EPM2A: variants seen among roughly 807,000 people sequenced by gnomAD.
EPM2A encodes the protein EPM2A glucan phosphatase, laforin.
In EPM2A, 21 loss-of-function variants were observed where a neutral mutation model predicts 26.5. That is an observed-to-expected ratio of 0.79 (90% CI 0.56 to 1.14). The LOEUF is 1.14. EPM2A is among the 50% of genes most tolerant of loss of function. EPM2A has a pLI of 0.00. For missense variants in EPM2A, 458 were observed against 440.8 expected, an observed-to-expected ratio of 1.04 and a Z score of -0.35; for synonymous variants, 217 against 177.6, an observed-to-expected ratio of 1.22 and a Z score of -1.76.
In EPM2A at chr6:145,569,135, T is replaced by C. The variant is rs531823885; in HGVS notation, c.340+66110A>G. ...AGCAAAATAGCACTATGGCATGGAC[T>C]CTGTCCTGATTCCTGCAAATTGTGA... On this transcript the variant is annotated intron_variant, in intron 2 of 3. Transcript: ENST00000450221. Among the ~76,000 whole-genome samples, 10 of 152,370 alleles carry C rather than the reference T, an allele frequency of 6.6e-5. No homozygotes were observed. In the South Asian group the frequency reaches 1.9e-3, roughly 28 times the overall value.
intron 2 of EPM2A, among the ~76,000 whole-genome samples, chr6:145,685,266 C>T (rs1474576446): frequency 6.6e-6 from 1 of 151,788 alleles, no homozygotes; most frequent in Non-Finnish European, 1.5e-5. Context: ...GAAAAAAATA[C>T]AGGAACAAAA....
chr6:145,436,628 T>C lies in EPM2A; in HGVS notation c.556-52531A>G, dbSNP rs140780252. Among the ~76,000 whole-genome samples the C allele has an allele frequency of 1.0e-2, 1,517 of 152,282 alleles. 25 individuals carry two copies. The highest frequency in any genetic ancestry group is 0.035 in the African/African-American group (1,451 of 41,566). On this transcript the variant is annotated intron_variant, in intron 4 of 4. Coordinates refer to the EPM2A transcript ENST00000638717. ...GCTTTTTTTTGTGTTTATTGGCTGT[T>C]GGTATATTTTCTATGGAGAACTGTC... is the stretch of plus-strand genomic sequence containing the variant.
chr6:145,524,492 C>G (rs1780244861), intron 2 of EPM2A, among the ~76,000 whole-genome samples: 1 of 152,058 alleles, frequency 6.6e-6, no homozygotes, highest in African/African-American at 2.4e-5. Context: ...GATGGCATCT[C>G]ATTATAGTTT....
At chr6:145,683,085 T>C (rs746443660) in intron 2 of EPM2A, among the ~76,000 whole-genome samples, 2 of 152,166 alleles carry the variant, frequency 1.3e-5, no homozygotes, top group Admixed American at 6.6e-5. Context: ...TCTTTTAAAC[T>C]GAATTCAGAT....
intron 2 of EPM2A, chr6:145,641,299 C>G (rs972274534): frequency 2.6e-5 from 4 of 152,160 alleles, no homozygotes; most frequent in African/African-American, 9.7e-5. Context: ...AGAGTAAGCA[C>G]TGACCCAAAA....
intron 4 of EPM2A, among the ~76,000 whole-genome samples, chr6:145,442,593 C>T (rs1226300448): frequency 6.6e-6 from 1 of 152,146 alleles, no homozygotes; most frequent in Non-Finnish European, 1.5e-5. Flanking sequence ...CCCATTGGGT[C>T]CTTCCACAGC....
chr6:145,565,253 C>A (rs1780868580), intron 2 of EPM2A, among the ~76,000 whole-genome samples: 1 of 151,892 alleles, frequency 6.6e-6, no homozygotes, highest in African/African-American at 2.4e-5. Context: ...TTTGACTCTG[C>A]CCAGAAAATG....
intron 1 of EPM2A, among the ~76,000 whole-genome samples, chr6:145,719,365 C>T (rs973121932): frequency 6.7e-5 from 10 of 149,988 alleles, no homozygotes; most frequent in Non-Finnish European, 1.2e-4. Flanking sequence ...AGTAAACTAT[C>T]GCAAGAACAA....
chr6:145,721,685 CAATT>C (rs1332614343), intron 1 of EPM2A: 2 of 152,154 alleles, frequency 1.3e-5, no homozygotes, highest in African/African-American at 4.8e-5. Flanking sequence ...CATTCATTCA[CAATT>C]CATTCTCATA....
intron 4 of EPM2A, among the ~76,000 whole-genome samples, chr6:145,470,456 T>A (rs1199028399): frequency 6.6e-6 from 1 of 152,164 alleles, no homozygotes; most frequent in African/African-American, 2.4e-5. Flanking sequence ...TTGTTGCAAA[T>A]CATTATAGTT....
chr6:145,632,782 T>C (rs1303827876), intron 3 of EPM2A, among the ~76,000 whole-genome samples: 2 of 152,204 alleles, frequency 1.3e-5, no homozygotes, highest in African/African-American at 4.8e-5. Flanking sequence ...ATTGGGCTAA[T>C]ACTGTGAGCC....
At chr6:145,580,817 T>C (rs1466662363) in intron 2 of EPM2A, among the ~76,000 whole-genome samples, 1 of 152,110 alleles carries the variant, frequency 6.6e-6, no homozygotes, top group African/African-American at 2.4e-5. Context: ...ATGGCCTCCA[T>C]CTCTAGTTAT....
At chr6:145,560,216 T>A (rs1242446363) in intron 2 of EPM2A, among the ~76,000 whole-genome samples, 1 of 152,154 alleles carries the variant, frequency 6.6e-6, no homozygotes, top group Non-Finnish European at 1.5e-5. Context: ...AAATCATTTC[T>A]GCTTAGGCTA....
At chr6:145,496,158 A>G (rs1401343642) in intron 4 of EPM2A, among the ~76,000 whole-genome samples, 2 of 152,128 alleles carry the variant, frequency 1.3e-5, no homozygotes, top group Non-Finnish European at 2.9e-5. Context: ...TAGGGTTTCC[A>G]CTGAGAGGTC....
chr6:145,544,078 A>G (rs559909480), intron 2 of EPM2A, among the ~76,000 whole-genome samples: 1 of 152,342 alleles, frequency 6.6e-6, no homozygotes, highest in Admixed American at 6.5e-5. Context: ...AAGAAAATGG[A>G]CAAATTATTA....
intron 4 of EPM2A, among the ~76,000 whole-genome samples, chr6:145,488,929 A>G (rs1323445939): frequency 6.6e-6 from 1 of 152,214 alleles, no homozygotes; most frequent in African/African-American, 2.4e-5. Context: ...GGTTGTTATT[A>G]TAGGCAAAAA....
intron 2 of EPM2A, among the ~76,000 whole-genome samples, chr6:145,508,286 G>A (rs1315175905): frequency 6.6e-6 from 1 of 152,192 alleles, no homozygotes; most frequent in African/African-American, 2.4e-5. Flanking sequence ...AGCTGAGGGA[G>A]GGTGCTTTTC....
intron 2 of EPM2A, among the ~76,000 whole-genome samples, chr6:145,672,587 A>G (rs1392637196): frequency 1.3e-5 from 2 of 152,266 alleles, no homozygotes; most frequent in Non-Finnish European, 2.9e-5. Context: ...TGCCAGATTC[A>G]CTTTTACACT....
At chr6:145,735,685 C>A, upstream of EPM2A, 1 of 1,065,124 alleles carries the variant, frequency 9.4e-7, no homozygotes, top group Admixed American at 5.3e-5. Context: ...TTCGTCCAGG[C>A]CGGCGGGAAG....
Sources: allele counts gnomAD v4.1 joint callset (sites outside exome capture counted in the v4.1 genomes callset), GRCh38; gene constraint gnomAD v4.1.1; transcripts MANE v1.5; gene names NCBI Gene and HGNC (gene_info 2026-07-23, HGNC 2026-07-21).